Variants in PGCKA1 observed in about 807,000 individuals in gnomAD.
The protein encoded by PGCKA1 is PDCD10 and GCKIII kinases-associated protein 1.
chr4:37,564,297 A>T, the PGCKA1 span, among the ~76,000 whole-genome samples: 3 of 150,974 alleles, frequency 2.0e-5, no homozygotes, highest in Non-Finnish European at 4.4e-5. Flanking sequence ...AAAAGAAAGA[A>T]AAAAAACCGA....
chr4:37,575,007 A>G, the PGCKA1 span, among the ~76,000 whole-genome samples: 171 of 150,560 alleles, frequency 1.1e-3, no homozygotes, highest in African/African-American at 3.9e-3. Context: ...TTCTTTATTC[A>G]TTCTTCTGTT....
the PGCKA1 span, among the ~76,000 whole-genome samples, chr4:37,555,209 C>T: frequency 3.3e-4 from 50 of 152,284 alleles, no homozygotes; most frequent in Non-Finnish European, 5.6e-4. Context: ...CATGGTAGGG[C>T]AAGTAGGGCG....
the PGCKA1 span, among the ~76,000 whole-genome samples, chr4:37,567,525 G>A: frequency 6.6e-6 from 1 of 152,194 alleles, no homozygotes; most frequent in East Asian, 1.9e-4. Flanking sequence ...AGTAAGCAGT[G>A]GAGGTGGAAT....
At chr4:37,497,596 C>G in the PGCKA1 span, among the ~76,000 whole-genome samples, 102 of 152,288 alleles carry the variant, frequency 6.7e-4, no homozygotes, top group African/African-American at 2.3e-3. Flanking sequence ...GGTGGTATCG[C>G]ATTGTGGCTT....
chr4:37,507,135 T>C, the PGCKA1 span, among the ~76,000 whole-genome samples: 1 of 152,138 alleles, frequency 6.6e-6, no homozygotes, highest in Admixed American at 6.5e-5. Flanking sequence ...ACATGAAATA[T>C]CTTTTTCCAT....
chr4:37,564,985 G>GAC, the PGCKA1 span, among the ~76,000 whole-genome samples: 1 of 136,138 alleles, frequency 7.3e-6, no homozygotes, highest in Non-Finnish European at 1.6e-5. Context: ...CACACACACA[G>GAC]ACACACACAC....
the PGCKA1 span, among the ~76,000 whole-genome samples, chr4:37,545,506 T>C: frequency 6.6e-6 from 1 of 152,210 alleles, no homozygotes; most frequent in Non-Finnish European, 1.5e-5. Context: ...CCTCCATAAT[T>C]CACTCTTACT....
chr4:37,497,292 C>T, the PGCKA1 span, among the ~76,000 whole-genome samples: 1 of 152,078 alleles, frequency 6.6e-6, no homozygotes, highest in Non-Finnish European at 1.5e-5. Context: ...GGTACTATTC[C>T]ATCATATATA....
At chr4:37,459,799 CTTTT>C in the PGCKA1 span, among the ~76,000 whole-genome samples, 7 of 136,214 alleles carry the variant, frequency 5.1e-5, no homozygotes, top group Admixed American at 7.3e-5. Flanking sequence ...AGCTTTCTTT[CTTTT>C]TTTTTTTTTT....
chr4:37,488,829 T>C, the PGCKA1 span, among the ~76,000 whole-genome samples: 1 of 152,102 alleles, frequency 6.6e-6, no homozygotes, highest in South Asian at 2.1e-4. Flanking sequence ...ACCTAACAAC[T>C]TGACTCTTCC....
the PGCKA1 span, among the ~76,000 whole-genome samples, chr4:37,515,578 G>A: frequency 3.3e-5 from 5 of 152,134 alleles, no homozygotes; most frequent in African/African-American, 1.2e-4. Flanking sequence ...ACTATACTAC[G>A]GGACAAGCAG....
chr4:37,486,652 A>T, the PGCKA1 span, among the ~76,000 whole-genome samples: 2 of 152,204 alleles, frequency 1.3e-5, 1 homozygote, highest in Admixed American at 1.3e-4. Context: ...AGAAAAAAGG[A>T]GGAAGGAATA....
the PGCKA1 span, among the ~76,000 whole-genome samples, chr4:37,545,710 C>G: frequency 6.6e-6 from 1 of 152,102 alleles, no homozygotes; most frequent in South Asian, 2.1e-4. Context: ...TGTTGTCATC[C>G]CCCCATTCAT....
the PGCKA1 span, among the ~76,000 whole-genome samples, chr4:37,547,976 TA>T: frequency 0.026 from 2,649 of 102,392 alleles, 72 homozygotes; most frequent in African/African-American, 0.083. Context: ...AAGTTCTCTT[TA>T]AAAAAAAAAA....
At chr4:37,502,696 A>G in the PGCKA1 span, among the ~76,000 whole-genome samples, 1 of 152,154 alleles carries the variant, frequency 6.6e-6, no homozygotes, top group Non-Finnish European at 1.5e-5. Context: ...CGACACAGCA[A>G]TGTAAGGGGG....
the PGCKA1 span, among the ~76,000 whole-genome samples, chr4:37,592,722 C>T: frequency 8.7e-4 from 133 of 152,186 alleles, 1 homozygote; most frequent in Non-Finnish European, 3.2e-4. Context: ...TTATGTATCC[C>T]TTTACCCATC....
At chr4:37,556,550 T>C in the PGCKA1 span, among the ~76,000 whole-genome samples, 2 of 152,206 alleles carry the variant, frequency 1.3e-5, no homozygotes, top group Non-Finnish European at 1.5e-5. Context: ...ATTACAAGCA[T>C]GACCACGCCC....
the PGCKA1 span, among the ~76,000 whole-genome samples, chr4:37,483,331 C>T: frequency 1.3e-5 from 2 of 152,124 alleles, no homozygotes; most frequent in East Asian, 1.9e-4. Flanking sequence ...TTATTAGCAG[C>T]GTGACAATGG....
At chr4:37,514,158 A>C in the PGCKA1 span, among the ~76,000 whole-genome samples, 1 of 152,248 alleles carries the variant, frequency 6.6e-6, no homozygotes, top group Non-Finnish European at 1.5e-5. Flanking sequence ...TGACCAGCTA[A>C]TGGTGAGCAT....
Sources: allele counts gnomAD v4.1 joint callset (sites outside exome capture counted in the v4.1 genomes callset), GRCh38; gene constraint gnomAD v4.1.1; transcripts MANE v1.5; gene names NCBI Gene and HGNC (gene_info 2026-07-23, HGNC 2026-07-21).